Variants in FRRS1 observed in about 807,000 individuals in gnomAD.
FRRS1 encodes the protein ferric chelate reductase 1.
A neutral mutation model predicts 70.7 loss-of-function variants in FRRS1; 51 were observed. The observed-to-expected ratio is 0.72, with a 90% confidence interval of 0.58 to 0.91. The LOEUF is 0.91. FRRS1 is among the 40% of genes least tolerant of loss of function. The pLI is 0.00. For synonymous variants in FRRS1, 225 were observed against 238.7 expected (o/e 0.94, Z 0.53); for missense variants, 672 against 726.0 (o/e 0.93, Z 0.86).
rs575782578 is a variant in FRRS1, at chr1:99,711,312, T to C, written c.1481-363A>G. 12 of 190,554 alleles carry C rather than the reference T, an allele frequency of 6.3e-5. No individual in the cohort carries two copies. In the Admixed American group the frequency reaches 6.7e-4, roughly 11 times the overall value. The allele number at this position is 190,554 out of a possible 1,614,324, so 11.8% of individuals were successfully genotyped here. Reference sequence around the variant, plus strand: ...CTCTTTTGGAGTCCCCAGGGTCTATTGTTTCTATCTTTATGTCCGTGTGTA... The same window carrying C: ...CTCTTTTGGAGTCCCCAGGGTCTATCGTTTCTATCTTTATGTCCGTGTGTA... On this transcript the variant is annotated intron_variant, in intron 14 of 16. Coordinates refer to ENST00000646001, the MANE Select transcript of FRRS1 (RefSeq NM_001361041.2).
chr1:99,744,075 A>G (rs72958595), intron 4 of FRRS1, among the ~76,000 whole-genome samples: 23 of 150,278 alleles, frequency 1.5e-4, no homozygotes, highest in Middle Eastern at 3.5e-3. Flanking sequence ...AAAAAAAAAA[A>G]AAAGAAAGAA....
At chr1:99,745,470 G>A (rs2100976755) in intron 4 of FRRS1, among the ~76,000 whole-genome samples, 1 of 152,222 alleles carries the variant, frequency 6.6e-6, no homozygotes, top group East Asian at 1.9e-4. Context: ...GATCAGTTGA[G>A]GTCAGGAGTT....
chr1:99,754,608 C>T (rs1319005403), intron 1 of FRRS1, among the ~76,000 whole-genome samples: 2 of 152,054 alleles, frequency 1.3e-5, no homozygotes, highest in Admixed American at 6.6e-5. Context: ...TAATGGATAT[C>T]CATAGACTAT....
chr1:99,736,719 T>G lies in FRRS1; in HGVS notation c.759+1367A>C, dbSNP rs4412612. 9.6e-4 allele frequency among the ~76,000 whole-genome samples: 141 copies of G among 146,936 alleles called. No homozygotes were observed. The East Asian group carries it at 0.027, about 29-fold the overall frequency. The stretch of plus-strand genomic sequence containing the variant: ...CACCAACATGGCACATGTATACATA[T>G]GTAACAAACCTGCACATTGTGCACA... On this transcript the variant is annotated intron_variant, in intron 7 of 16. Transcript: ENST00000646001.
chr1:99,752,361 T>G (rs1656610688), intron 1 of FRRS1, among the ~76,000 whole-genome samples: 1 of 152,206 alleles, frequency 6.6e-6, no homozygotes, highest in Admixed American at 6.5e-5. Context: ...TCCTTTCACT[T>G]GAACACTTAC....
Position 99,737,221 on chromosome 1 carries a change from A to G in FRRS1, c.759+865T>C, listed in dbSNP as rs1014954715. Among the ~76,000 whole-genome samples, 4 of 152,174 alleles carry G rather than the reference A, an allele frequency of 2.6e-5. No homozygotes were observed. In the East Asian group the frequency reaches 7.7e-4, roughly 29 times the overall value. On this transcript the variant is annotated intron_variant, in intron 7 of 16. Transcript: ENST00000646001. ...ACACCACAGCACAAGGCTGCCACCT[A>G]CAGAATCATTTAATCCATTTCAGCA...
In FRRS1 at chr1:99,706,114, C is replaced by T. The variant is rs1479509198; in HGVS notation, c.*2914G>A. ...GATTTGGTCTATTTGGGGCCAGGTG[C>T]AATGGCTCATGCCTATAATCCCAAC... On this transcript the variant is annotated 3_prime_UTR_variant, in exon 17 of 17. Transcript: ENST00000646001. 1.3e-5 allele frequency among the ~76,000 whole-genome samples: 2 copies of T among 151,630 alleles called. No individual in the cohort carries two copies. The highest frequency in any genetic ancestry group is 2.9e-5 in the Non-Finnish European group (2 of 67,992).
rs769878982 is a variant in FRRS1 at position 99,717,398 on chromosome 1, TC to T, written c.1236+11del. 15 of 1,563,128 alleles carry T rather than the reference TC, an allele frequency of 9.6e-6. No homozygotes were observed. The highest frequency in any genetic ancestry group is 1.7e-5 in the Admixed American group (1 of 59,930). On this transcript the variant is annotated intron_variant, in intron 11 of 16. Coordinates refer to ENST00000646001, the MANE Select transcript of FRRS1 (RefSeq NM_001361041.2). ...CTATGAATATTGCATTGAACTTTTT[TC>T]CCTCACCTACCTGAAACCAAGCTGC...
chr1:99,752,063 A>C (rs1656595848), intron 1 of FRRS1, among the ~76,000 whole-genome samples: 1 of 152,160 alleles, frequency 6.6e-6, no homozygotes, highest in African/African-American at 2.4e-5. Flanking sequence ...CAAAGGTAGG[A>C]CCTTGCTCTG....
intron 7 of FRRS1, among the ~76,000 whole-genome samples, chr1:99,732,552 T>C (rs945326902): frequency 6.6e-6 from 1 of 152,114 alleles, no homozygotes; most frequent in Admixed American, 6.6e-5. Context: ...CCTTAGAAGA[T>C]AAAACATATT....
rs901116268 is a variant in FRRS1 at position 99,748,918 on chromosome 1, G to T, written c.-22C>A. The T allele has an allele frequency of 5.3e-6, 3 of 563,298 alleles. No individual in the cohort carries two copies. The highest frequency in any genetic ancestry group is 1.9e-5 in the African/African-American group (1 of 52,802). The allele number at this position is 563,298 out of a possible 1,614,324, so 34.9% of individuals were successfully genotyped here. On this transcript the variant is annotated 5_prime_UTR_variant, in exon 2 of 17. Coordinates refer to ENST00000646001, the MANE Select transcript of FRRS1 (RefSeq NM_001361041.2). ...ATACCTGATAAAAAGAATGTGATAT[G>T]TGAAGTTTCACCCGAATTTCAATCT... is the stretch of plus-strand genomic sequence containing the variant.
intron 12 of FRRS1, 120 bp from the exon 13 acceptor site, chr1:99,712,635 A>G (rs1654323782): frequency 1.8e-6 from 1 of 558,106 alleles, no homozygotes; most frequent in Non-Finnish European, 3.2e-6. Flanking sequence ...AAGATTCAAT[A>G]ATGATGATAA....
chr1:99,733,630 T>C (rs1167400477), intron 7 of FRRS1, among the ~76,000 whole-genome samples: 2 of 152,012 alleles, frequency 1.3e-5, no homozygotes, highest in Admixed American at 6.5e-5. Flanking sequence ...TACAACACAA[T>C]GGACAAAAGA....
chr1:99,728,341 T>C (rs933671423), intron 9 of FRRS1, 152 bp downstream of exon 9: 3 of 646,430 alleles, frequency 4.6e-6, no homozygotes, highest in Non-Finnish European at 7.8e-6. Context: ...AAAATTTTTC[T>C]ACCTTTATCC....
intron 3 of FRRS1, 24 bp from the exon 4 acceptor site, chr1:99,747,454 G>A: frequency 6.2e-7 from 1 of 1,600,966 alleles, no homozygotes; most frequent in Non-Finnish European, 8.5e-7. Context: ...AAAAGGGTTG[G>A]TTAAAAAGCT....
chr1:99,748,584 T>C lies in FRRS1; in HGVS notation c.185A>G (p.Asp62Gly), dbSNP rs1339385313. The C allele has an allele frequency of 1.2e-6, 2 of 1,613,572 alleles. No homozygotes were observed. The highest frequency in any genetic ancestry group is 2.2e-5 in the South Asian group (2 of 91,016). The change falls in exon 3 of 17, where the codon GAT (aspartate) becomes GGT (glycine). Residue 62 changes from aspartate to glycine, a missense_variant. Physicochemically the swap from Asp to Gly is moderately conservative, Grantham distance 94. Coordinates refer to ENST00000646001, the MANE Select transcript of FRRS1 (RefSeq NM_001361041.2). ...YVSQMTFRPG[D>G]QIEVTLSGHP... ...TCCCAGCACGGTACCTTCAATCTGA[T>C]CTCCTGGCCTGAATGTCATCTGACT...
chr1:99,714,210 G>A (rs1490696483), intron 12 of FRRS1, among the ~76,000 whole-genome samples: 1 of 149,972 alleles, frequency 6.7e-6, no homozygotes, highest in Admixed American at 6.6e-5. Context: ...TTGAGGTGGA[G>A]TCTCATTCTG....
chr1:99,737,047 G>A (rs968920051), intron 7 of FRRS1, among the ~76,000 whole-genome samples: 3 of 46,972 alleles, frequency 6.4e-5, no homozygotes, highest in Non-Finnish European at 9.7e-5. Flanking sequence ...AGACAAGAAC[G>A]CCTGTGCTAA....
chr1:99,718,625 G>A (rs185516369), intron 10 of FRRS1, among the ~76,000 whole-genome samples: 1 of 152,032 alleles, frequency 6.6e-6, no homozygotes, highest in East Asian at 1.9e-4. Flanking sequence ...CACCGCGTAC[G>A]GCCTAGAGCC....
Sources: allele counts gnomAD v4.1 joint callset (sites outside exome capture counted in the v4.1 genomes callset), GRCh38; gene constraint gnomAD v4.1.1; transcripts MANE v1.5; gene names NCBI Gene and HGNC (gene_info 2026-07-23, HGNC 2026-07-21).